Variants in ANKRD11 observed in about 807,000 individuals in gnomAD.
ANKRD11 encodes the protein ankyrin repeat domain-containing protein 11.
In ANKRD11, 17 loss-of-function variants were observed where a neutral mutation model predicts 195.7. The ratio of observed to expected loss-of-function variants is 0.09; its 90% CI spans 0.06 to 0.13. ANKRD11 has a LOEUF of 0.13. ANKRD11 is among the 10% of genes least tolerant of loss of function. The probability of loss-of-function intolerance (pLI) is 1.00; values close to 1 mark genes in which losing one functional copy is unlikely to be tolerated. For synonymous variants in ANKRD11, 1,953 were observed against 1,528.1 expected (o/e 1.28, Z -6.49); for missense variants, 3,735 against 3,566.1 (o/e 1.05, Z -1.21).
At chr16:89,294,214 G>C (rs578234232) in intron 4 of ANKRD11, among the ~76,000 whole-genome samples, 72 of 152,246 alleles carry the variant, frequency 4.7e-4, no homozygotes, top group African/African-American at 1.4e-3. Flanking sequence ...AGCTTTACAG[G>C]GCTGGCTCCC....
At chr16:89,351,246 A>G (rs1273843503) in intron 2 of ANKRD11, among the ~76,000 whole-genome samples, 6 of 152,156 alleles carry the variant, frequency 3.9e-5, no homozygotes, top group Admixed American at 3.9e-4. Context: ...CAAAGAATGA[A>G]ATTGAATGCC....
chr16:89,287,048 C>T, intron 7 of ANKRD11: 1 of 1,289,778 alleles, frequency 7.8e-7, no homozygotes, highest in South Asian at 1.2e-5. Flanking sequence ...CTCAGGCTTA[C>T]AATTGTGGAG....
intron 4 of ANKRD11, chr16:89,299,400 GTGCCCTGTGTGGGGTGCC>G (rs2035673937): frequency 1.1e-5 from 2 of 178,668 alleles, no homozygotes; most frequent in Non-Finnish European, 2.2e-5. Context: ...TGTGGGGTCT[GTGCCCTGTGTGGGGTGCC>G]TGCCCTGTGT....
chr16:89,436,320 C>T (rs1183460980), intron 1 of ANKRD11, among the ~76,000 whole-genome samples: 1 of 151,892 alleles, frequency 6.6e-6, no homozygotes, highest in African/African-American at 2.4e-5. Context: ...GAGGCTGAGG[C>T]ACGAGAATTG....
Position 89,376,792 on chromosome 16 carries a change from A to G in ANKRD11, c.-60+41492T>C, listed in dbSNP as rs188122834. The stretch of plus-strand genomic sequence containing the variant: ...AAACTCCCCTATTCTGGCGAAAAAA[A>G]TCCTGTAAGAACATTTGTTAGTAAG... On this transcript the variant is annotated intron_variant, in intron 2 of 12. Transcript: ENST00000301030. Among the ~76,000 whole-genome samples the G allele has an allele frequency of 9.2e-5, 14 of 152,348 alleles. No individual in the cohort carries two copies. The East Asian group carries it at 2.3e-3, about 25-fold the overall frequency.
chr16:89,284,450 C>T lies in ANKRD11; in HGVS notation c.2092G>A (p.Glu698Lys), dbSNP rs1422731618. 1 of 1,613,524 alleles carries T rather than the reference C, an allele frequency of 6.2e-7. No homozygotes were observed. The highest frequency in any genetic ancestry group is 8.5e-7 in the Non-Finnish European group (1 of 1,179,968). The change falls in exon 9 of 13, where the codon GAG (glutamate) becomes AAG (lysine). Residue 698 changes from glutamate (E) to lysine (K), a missense_variant. Coordinates refer to ENST00000301030, the MANE Select transcript of ANKRD11 (RefSeq NM_013275.6). ...TCTAATTTCATTTTGCTAAGTTTCT[C>T]TTCTTTTTTAAAGTGGTCGCGATCG... is the stretch of plus-strand genomic sequence containing the variant. ...KHDRDHFKKEEKLSKMKLEEK... is the reference protein window; with the variant it reads ...KHDRDHFKKEKKLSKMKLEEK...
chr16:89,384,879 C>CT (rs869271846), intron 2 of ANKRD11, among the ~76,000 whole-genome samples: 1,035 of 49,934 alleles, frequency 0.021, 179 homozygotes, highest in Non-Finnish European at 0.022. Flanking sequence ...AAATAGTTTT[C>CT]TTTTTTTTTT....
chr16:89,365,941 A>G (rs1225389482), intron 2 of ANKRD11, among the ~76,000 whole-genome samples: 2 of 151,914 alleles, frequency 1.3e-5, no homozygotes, highest in Non-Finnish European at 2.9e-5. Flanking sequence ...GTTCCCATTC[A>G]TAAGTGACAA....
chr16:89,279,410 C>A lies in ANKRD11; in HGVS notation c.7132G>T (p.Asp2378Tyr). ...TTGCGCGGATGCTGGGCCTGGGCGT[C>A]GTCGTCCTCGGAGCCGCGGGCCTTG... ...RAKARGSEDD[D>Y]AQAQHPRKRR... Residue 2378 changes from aspartate (D) to tyrosine (Y), a missense_variant, in exon 9 of 13, where the codon GAC becomes TAC. By Grantham distance (160) the Asp-to-Tyr change is radical (BLOSUM62 -3). Transcript: ENST00000301030. The surrounding 1 kb of genome is among the most constrained non-coding windows in gnomAD (Gnocchi z 5.6). 6.5e-7 allele frequency: 1 copy of A among 1,537,826 alleles called. No homozygotes were observed. The highest frequency in any genetic ancestry group is 8.7e-7 in the Non-Finnish European group (1 of 1,146,086).
In ANKRD11 at chr16:89,324,562, A is replaced by C. The variant is rs180926638; in HGVS notation, c.-59-7484T>G. 1.9e-3 allele frequency: 864 copies of C among 455,360 alleles called. 7 individuals are homozygous for C. The highest frequency in any genetic ancestry group is 0.016 in the African/African-American group (805 of 50,184). The allele number at this position is 455,360 out of a possible 1,614,324, so 28.2% of individuals were successfully genotyped here. On this transcript the variant is annotated intron_variant, in intron 2 of 12. Coordinates refer to ENST00000301030, the MANE Select transcript of ANKRD11 (RefSeq NM_013275.6). ...GTCAGTGGACGGGGAGAGGCCGACG[A>C]ACCCTCCATCTGGGGGGGCATGATC...
rs1178726786 is a variant in ANKRD11 at position 89,281,618 on chromosome 16, G to C, written c.4924C>G (p.Pro1642Ala). 1.2e-6 allele frequency: 2 copies of C among 1,614,206 alleles called. No homozygotes were observed. Among genetic ancestry groups the C allele is most frequent in the Non-Finnish European group, 1.7e-6 (2 of 1,180,042 alleles). The change falls in exon 9 of 13, where the codon CCG (proline) becomes GCG (alanine). Residue 1642 changes from proline (P) to alanine (A), a missense_variant. Transcript: ENST00000301030. This position sits in a 1 kb window ranked among gnomAD's most constrained non-coding sequence, Gnocchi z 5.5. ...KKGLDIPAKK[P>A]PGLDPPFKDK... Reference sequence around the variant, plus strand: ...TTAAATGGAGGGTCCAGCCCCGGCGGTTTCTTAGCAGGAATGTCCAGACCC... The same window carrying C: ...TTAAATGGAGGGTCCAGCCCCGGCGCTTTCTTAGCAGGAATGTCCAGACCC...
chr16:89,285,178 T>C lies in ANKRD11; in HGVS notation c.1364A>G (p.Lys455Arg). 6.2e-7 allele frequency: 1 copy of C among 1,613,574 alleles called. No homozygotes were observed. Among genetic ancestry groups the C allele is most frequent in the Non-Finnish European group, 8.5e-7 (1 of 1,180,020 alleles). The change falls in exon 9 of 13, where the codon AAA becomes AGA. Residue 455 changes from lysine to arginine, a missense_variant. Lys to Arg is a conservative substitution (Grantham distance 26, BLOSUM62 2). Transcript: ENST00000301030. The surrounding 1 kb of genome is among the most constrained non-coding windows in gnomAD (Gnocchi z 5.6). ...AKQQKEKNKVKKKRKKETKGR... is the reference protein window; with the variant it reads ...AKQQKEKNKVRKKRKKETKGR... ...TTTTGTTTCTTTCTTTCGCTTCTTT[T>C]TCACTTTATTTTTTTCCTTCTGCTG...
At chr16:89,431,453 ACAGCCCTT>A (rs2042974971) in intron 1 of ANKRD11, 2 of 152,812 alleles carry the variant, frequency 1.3e-5, no homozygotes, top group Admixed American at 1.3e-4. Flanking sequence ...AACCCCCACG[ACAGCCCTT>A]AACAGATGCC....
intron 1 of ANKRD11, among the ~76,000 whole-genome samples, chr16:89,461,562 A>C (rs1312231586): frequency 6.6e-6 from 1 of 152,078 alleles, no homozygotes; most frequent in Non-Finnish European, 1.5e-5. Flanking sequence ...GCTGGTCTCA[A>C]ACGCCTGTGC....
At chr16:89,428,474 C>T (rs746320199) in intron 1 of ANKRD11, among the ~76,000 whole-genome samples, 1 of 151,814 alleles carries the variant, frequency 6.6e-6, no homozygotes, top group African/African-American at 2.4e-5. Flanking sequence ...TGCAGTGAGC[C>T]GAGACTGCGC....
rs57747159 is a variant in ANKRD11 at position 89,441,767 on chromosome 16, C to CAAAAAAAAAAAAAA, written c.-144-23413_-144-23400dup. On this transcript the variant is annotated intron_variant, in intron 1 of 12. Transcript: ENST00000301030. ...GGGCAACAGAGCGAGACTCCGCCTA[C>CAAAAAAAAAAAAAA]AAAAAAAAAAAAAAAAAAAAAAAAA... Among the ~76,000 whole-genome samples the CAAAAAAAAAAAAAA allele has an allele frequency of 9.2e-4, 48 of 52,352 alleles. 2 individuals carry two copies. The highest frequency in any genetic ancestry group is 1.3e-3 in the South Asian group (2 of 1,538). The allele number at this position is 52,352 out of a possible 152,430, so 34.3% of individuals were successfully genotyped here. A position where few individuals can be genotyped will look rare whatever the true frequency, so the allele number is the denominator to read the frequency against.
chr16:89,333,574 A>G (rs74968519), intron 2 of ANKRD11, among the ~76,000 whole-genome samples: 1 of 152,066 alleles, frequency 6.6e-6, no homozygotes, highest in Non-Finnish European at 1.5e-5. Context: ...TGCTGTCTGC[A>G]CAGTTTTGCC....
At chr16:89,468,162 A>G (rs2056949328) in intron 1 of ANKRD11, among the ~76,000 whole-genome samples, 1 of 152,202 alleles carries the variant, frequency 6.6e-6, no homozygotes, top group South Asian at 2.1e-4. Context: ...GGGTCTATTA[A>G]CTTAGTGTTA....
At chr16:89,462,538 G>A (rs1250591359) in intron 1 of ANKRD11, among the ~76,000 whole-genome samples, 1 of 149,640 alleles carries the variant, frequency 6.7e-6, no homozygotes, top group African/African-American at 2.5e-5. Context: ...CCATCATCTG[G>A]GATGTGAGGA....
Sources: gnomAD v4.1 joint callset for allele counts (sites outside exome capture counted in the v4.1 genomes callset) on GRCh38, gnomAD v4.1.1 for gene constraint, Gnocchi (gnomAD v3.1) non-coding constraint, MANE v1.5 for transcripts, NCBI Gene and HGNC (gene_info 2026-07-23, HGNC 2026-07-21) for gene names.